COPS3: variants seen among roughly 807,000 people sequenced by gnomAD.
The protein encoded by COPS3 is COP9 signalosome subunit 3.
A neutral mutation model predicts 58.2 loss-of-function variants in COPS3; 10 were observed. That is an observed-to-expected ratio of 0.17 (90% CI 0.11 to 0.29). The LOEUF (loss-of-function observed/expected upper bound fraction) is 0.29. Ranked by LOEUF, COPS3 falls within the 10% of genes least tolerant of loss-of-function variation. The pLI, the probability that COPS3 is intolerant of heterozygous loss-of-function variation, is 1.00. For missense variants in COPS3, 333 were observed against 510.1 expected, an observed-to-expected ratio of 0.65 and a Z score of 3.34; for synonymous variants, 187 against 181.7, an observed-to-expected ratio of 1.03 and a Z score of -0.24.
chr17:17,280,567 G>A (rs2048556904), intron 1 of COPS3: 2 of 1,280,428 alleles, frequency 1.6e-6, no homozygotes, highest in South Asian at 1.3e-5. Flanking sequence ...AAGAAATGGA[G>A]TCCTACGAGC....
intron 1 of COPS3, among the ~76,000 whole-genome samples, chr17:17,278,086 G>C (rs2048499005): frequency 6.6e-6 from 1 of 152,168 alleles, no homozygotes; most frequent in Non-Finnish European, 1.5e-5. Context: ...GGGAGATGGA[G>C]GCTGCAGTGA....
intron 2 of COPS3, among the ~76,000 whole-genome samples, chr17:17,271,313 C>T (rs2048335442): frequency 1.3e-5 from 2 of 151,880 alleles, no homozygotes; most frequent in African/African-American, 4.8e-5. Flanking sequence ...CCTGTAGTTG[C>T]AGATACTTGG....
rs1410206856 is a variant in COPS3, at chr17:17,252,560, G to A, written c.1023+2299C>T. On this transcript the variant is annotated intron_variant, in intron 9 of 11. Transcript: ENST00000268717. ...GTGAAAACCAAAACTGCTTCCAGAC[G>A]TTGCCTAATGTCTCCTGGCAGACAA... is the stretch of plus-strand genomic sequence containing the variant. 3.3e-5 allele frequency among the ~76,000 whole-genome samples: 5 copies of A among 152,192 alleles called. No individual in the cohort carries two copies. In the South Asian group the frequency reaches 8.3e-4, roughly 25 times the overall value.
Position 17,246,823 on chromosome 17 carries a change from T to C in COPS3, c.*275A>G, listed in dbSNP as rs1024826832. The C allele has an allele frequency of 7.0e-6, 3 of 428,450 alleles. No individual in the cohort carries two copies. The highest frequency in any genetic ancestry group is 3.6e-5 in the Admixed American group (1 of 27,474). 26.5% of individuals were successfully genotyped at this position (428,450 alleles called of 1,614,324 possible). A position where few individuals can be genotyped will look rare whatever the true frequency, so the allele number is the denominator to read the frequency against. The stretch of plus-strand genomic sequence containing the variant: ...AAAAGTGATACAGAAGACACATTAA[T>C]GTTCAAGCAACTTAAAACAAAAAGG... On this transcript the variant is annotated 3_prime_UTR_variant, in exon 12 of 12. Transcript: ENST00000268717.
intron 8 of COPS3, 62 bp downstream of exon 8, chr17:17,260,239 G>C: frequency 6.6e-7 from 1 of 1,520,474 alleles, no homozygotes; most frequent in South Asian, 1.2e-5. Context: ...AAAAGGGAGA[G>C]AAAGGGAAAC....
intron 9 of COPS3, among the ~76,000 whole-genome samples, chr17:17,252,605 C>T (rs2047875906): frequency 1.3e-5 from 2 of 152,248 alleles, no homozygotes; most frequent in South Asian, 4.1e-4. Flanking sequence ...CAGAGGAGAA[C>T]CACTGCTCCA....
Position 17,270,978 on chromosome 17 carries a change from A to C in COPS3, c.216T>G (p.Pro72=). 6.2e-7 allele frequency: 1 copy of C among 1,614,062 alleles called. No individual in the cohort carries two copies. The highest frequency in any genetic ancestry group is 8.5e-7 in the Non-Finnish European group (1 of 1,179,978). The change falls in exon 3 of 12, where the codon CCT becomes CCG. Residue 72 remains proline, a synonymous_variant. Transcript: ENST00000268717. The part of the protein sequence containing the change: ...LFVKFSMPSV[P]DFETLFSQVQ... ...CCTGTGAGAATAGCGTTTCGAAGTC[A>C]GGAACACTGGGCATAGAAAACTTCA...
chr17:17,252,232 A>G (rs1479908173), intron 9 of COPS3, among the ~76,000 whole-genome samples: 2 of 152,142 alleles, frequency 1.3e-5, no homozygotes, highest in African/African-American at 4.8e-5. Context: ...TACTTTTCCA[A>G]TGTTTACTTT....
chr17:17,268,061 T>C, intron 4 of COPS3, 84 bp from the exon 5 acceptor site: 1 of 1,506,332 alleles, frequency 6.6e-7, no homozygotes, highest in Non-Finnish European at 8.9e-7. Context: ...AAATAAAAAA[T>C]AACACTAATT....
At chr17:17,267,385 A>G (rs957979334) in intron 5 of COPS3, among the ~76,000 whole-genome samples, 1 of 151,386 alleles carries the variant, frequency 6.6e-6, no homozygotes, top group Non-Finnish European at 1.5e-5. Context: ...TCACACCTGT[A>G]ATCCTAGCAC....
chr17:17,268,818 C>CAAA (rs201782368), intron 4 of COPS3, among the ~76,000 whole-genome samples: 1 of 123,056 alleles, frequency 8.1e-6, no homozygotes, highest in Non-Finnish European at 1.7e-5. Context: ...GACCCCATCT[C>CAAA]AAAAAAACAA....
At chr17:17,248,100 G>A (rs1321658237) in intron 10 of COPS3, among the ~76,000 whole-genome samples, 3 of 152,106 alleles carry the variant, frequency 2.0e-5, no homozygotes, top group Non-Finnish European at 2.9e-5. Context: ...CAGCCACCCC[G>A]ACTCTGCTTC....
intron 1 of COPS3, 109 bp downstream of exon 1, chr17:17,281,023 A>T: frequency 7.9e-7 from 1 of 1,269,946 alleles, no homozygotes; most frequent in Non-Finnish European, 1.1e-6. Context: ...GGCCCCGGAG[A>T]AGAGTCTCAG....
At chr17:17,273,923 G>A (rs950500124) in intron 2 of COPS3, among the ~76,000 whole-genome samples, 4 of 152,178 alleles carry the variant, frequency 2.6e-5, no homozygotes, top group Admixed American at 2.6e-4. Context: ...AGGCTAAAGT[G>A]GGAGGACTGC....
rs546838532 is a variant in COPS3 at position 17,266,555 on chromosome 17, T to A, written c.441+1330A>T. Among the ~76,000 whole-genome samples the A allele has an allele frequency of 4.3e-4, 65 of 152,114 alleles. 3 individuals are homozygous for A. The South Asian group carries it at 0.013, about 30-fold the overall frequency. On this transcript the variant is annotated intron_variant, in intron 5 of 11. Coordinates refer to ENST00000268717, the MANE Select transcript of COPS3 (RefSeq NM_003653.4). ...GGTTCACACCTGTAATCCCAGCACT[T>A]TGGGAGGCTGAGGTGGGCGGATCGC... is the stretch of plus-strand genomic sequence containing the variant.
chr17:17,257,445 T>C (rs2048000676), intron 8 of COPS3, among the ~76,000 whole-genome samples: 1 of 149,992 alleles, frequency 6.7e-6, no homozygotes, highest in African/African-American at 2.5e-5. Flanking sequence ...CCCAATTACA[T>C]ATAACTGGGA....
At chr17:17,255,023 C>G (rs2047936345) in intron 8 of COPS3, 78 bp from the exon 9 acceptor site, 1 of 1,015,968 alleles carries the variant, frequency 9.8e-7, no homozygotes, top group Non-Finnish European at 1.5e-6. Flanking sequence ...ACAGAGCGGC[C>G]AGGCGTGGTG....
intron 1 of COPS3, among the ~76,000 whole-genome samples, chr17:17,278,878 CTTTTTTTT>C (rs1278820637): frequency 1.4e-5 from 2 of 140,482 alleles, no homozygotes; most frequent in African/African-American, 5.2e-5. Context: ...TCTTTTTTTT[CTTTTTTTT>C]TTTTTTGAGA....
chr17:17,275,021 C>G (rs1312562973), intron 2 of COPS3, among the ~76,000 whole-genome samples: 1 of 152,028 alleles, frequency 6.6e-6, no homozygotes, highest in Non-Finnish European at 1.5e-5. Context: ...AGCTGCTGCC[C>G]ACCTCCAGCC....
Sources: gnomAD v4.1 joint callset for allele counts (sites outside exome capture counted in the v4.1 genomes callset) on GRCh38, gnomAD v4.1.1 for gene constraint, MANE v1.5 for transcripts, NCBI Gene and HGNC (gene_info 2026-07-23, HGNC 2026-07-21) for gene names.